MCTP1: variants seen among roughly 807,000 people sequenced by gnomAD.
MCTP1 encodes multiple C2 and transmembrane domain-containing protein 1.
MCTP1 carries 69 observed loss-of-function variants against 120.6 expected under a neutral mutation model. That is an observed-to-expected ratio of 0.57 (90% CI 0.47 to 0.70). The LOEUF (loss-of-function observed/expected upper bound fraction) is 0.70. MCTP1 is among the 30% of genes least tolerant of loss of function. The pLI, the probability that MCTP1 is intolerant of heterozygous loss-of-function variation, is 0.00. For missense variants in MCTP1, 1,203 were observed against 1,248.8 expected (o/e 0.96, Z 0.55); for synonymous variants, 529 against 493.1 (o/e 1.07, Z -0.96).
intron 17 of MCTP1, among the ~76,000 whole-genome samples, chr5:94,816,615 T>C (rs1339106977): frequency 6.6e-6 from 1 of 152,096 alleles, no homozygotes; most frequent in Non-Finnish European, 1.5e-5. Context: ...TTTTCCCCTT[T>C]ATCAACTTCA....
At chr5:94,850,637 T>A (rs965998150) in intron 17 of MCTP1, among the ~76,000 whole-genome samples, 2 of 152,148 alleles carry the variant, frequency 1.3e-5, no homozygotes, top group Non-Finnish European at 2.9e-5. Flanking sequence ...AAAACTACAA[T>A]CTAGTTTCAG....
chr5:95,237,989 C>T (rs1307686760), intron 1 of MCTP1, among the ~76,000 whole-genome samples: 1 of 152,074 alleles, frequency 6.6e-6, no homozygotes, highest in East Asian at 1.9e-4. Flanking sequence ...TCTGAATATT[C>T]ACATTGATAT....
chr5:95,166,255 A>C (rs1472163996), intron 1 of MCTP1: 1 of 152,124 alleles, frequency 6.6e-6, no homozygotes, highest in Non-Finnish European at 1.5e-5. Flanking sequence ...ATACCACTCA[A>C]AGGAATTTCT....
At chr5:95,087,885 C>T (rs913209572) in intron 1 of MCTP1, among the ~76,000 whole-genome samples, 1 of 152,122 alleles carries the variant, frequency 6.6e-6, no homozygotes, top group African/African-American at 2.4e-5. Context: ...GGAGACCTTG[C>T]TTAAAACTTG....
At chr5:95,126,960 T>A (rs537979930) in intron 1 of MCTP1, among the ~76,000 whole-genome samples, 6 of 152,298 alleles carry the variant, frequency 3.9e-5, no homozygotes, top group Non-Finnish European at 7.3e-5. Context: ...TATGTCCGAT[T>A]TTTCTTTAAC....
chr5:95,236,485 A>G (rs1562264968), intron 1 of MCTP1, among the ~76,000 whole-genome samples: 1 of 152,088 alleles, frequency 6.6e-6, no homozygotes, highest in Non-Finnish European at 1.5e-5. Flanking sequence ...ATCTTCCTTT[A>G]TGTCTTCTCC....
chr5:95,227,675 T>C (rs189354814), intron 1 of MCTP1, among the ~76,000 whole-genome samples: 1 of 152,342 alleles, frequency 6.6e-6, no homozygotes, highest in East Asian at 1.9e-4. Context: ...ACAGGCTGTG[T>C]CTACATAGCT....
chr5:94,796,723 G>A (rs1037346138), intron 18 of MCTP1, among the ~76,000 whole-genome samples: 12 of 150,270 alleles, frequency 8.0e-5, no homozygotes, highest in Non-Finnish European at 1.8e-4. Context: ...AGGAGCAACC[G>A]GTTCAAATGC....
intron 1 of MCTP1, among the ~76,000 whole-genome samples, chr5:95,211,816 T>G (rs1752412952): frequency 6.6e-6 from 1 of 152,204 alleles, no homozygotes; most frequent in Non-Finnish European, 1.5e-5. Flanking sequence ...TTATCTACTT[T>G]TGGTCTTTGA....
At chr5:94,907,088 T>G (rs1807107991) in intron 10 of MCTP1, among the ~76,000 whole-genome samples, 2 of 152,162 alleles carry the variant, frequency 1.3e-5, no homozygotes, top group African/African-American at 4.8e-5. Context: ...CATGCAAGCT[T>G]CAAATAAATA....
chr5:94,975,349 C>T (rs1265662000), intron 2 of MCTP1, among the ~76,000 whole-genome samples: 2 of 151,908 alleles, frequency 1.3e-5, no homozygotes, highest in African/African-American at 2.4e-5. Context: ...ATGGTGCCCT[C>T]CTGATGGGAT....
At chr5:95,053,465 T>C (rs553071355) in intron 1 of MCTP1, among the ~76,000 whole-genome samples, 36 of 152,168 alleles carry the variant, frequency 2.4e-4, no homozygotes, top group Non-Finnish European at 5.0e-4. Context: ...TTGCTGCTAC[T>C]TCAAGCTTAA....
intron 1 of MCTP1, chr5:95,024,249 T>G (rs922311400): frequency 1.2e-5 from 3 of 248,964 alleles, no homozygotes; most frequent in Non-Finnish European, 2.5e-5. Context: ...GCTTAAGTCT[T>G]TAATCCATTT....
At chr5:94,717,051 T>C (rs1238082221) in intron 19 of MCTP1, among the ~76,000 whole-genome samples, 2 of 152,180 alleles carry the variant, frequency 1.3e-5, no homozygotes, top group South Asian at 2.1e-4. Flanking sequence ...GGGAAAGTTA[T>C]GTTAAATCCT....
intron 1 of MCTP1, among the ~76,000 whole-genome samples, chr5:95,104,699 A>G (rs960680864): frequency 6.6e-6 from 1 of 152,244 alleles, no homozygotes; most frequent in African/African-American, 2.4e-5. Context: ...CTGCAATACC[A>G]AAGTCTACTG....
chr5:94,791,660 A>G (rs1475437945), intron 18 of MCTP1, among the ~76,000 whole-genome samples: 1 of 152,256 alleles, frequency 6.6e-6, no homozygotes, highest in Non-Finnish European at 1.5e-5. Flanking sequence ...TTTATAAAAA[A>G]CAAAATATGT....
chr5:95,045,617 A>G (rs766693114), intron 1 of MCTP1, among the ~76,000 whole-genome samples: 5 of 152,196 alleles, frequency 3.3e-5, no homozygotes, highest in Non-Finnish European at 5.9e-5. Flanking sequence ...ATGTCAGTCA[A>G]TATAATCAGT....
At chr5:94,836,969 A>G (rs1221599034) in intron 17 of MCTP1, among the ~76,000 whole-genome samples, 4 of 152,188 alleles carry the variant, frequency 2.6e-5, no homozygotes, top group Admixed American at 2.6e-4. Flanking sequence ...CCCTAAAAGC[A>G]AATCTTGTTG....
chr5:95,270,549 G>A (rs1336398906), intron 1 of MCTP1, among the ~76,000 whole-genome samples: 1 of 147,886 alleles, frequency 6.8e-6, no homozygotes, highest in African/African-American at 2.5e-5. Context: ...GAGGCGAGAT[G>A]GCACAACTGA....
Sources: allele counts gnomAD v4.1 joint callset (sites outside exome capture counted in the v4.1 genomes callset), GRCh38; gene constraint gnomAD v4.1.1; transcripts MANE v1.5; gene names NCBI Gene and HGNC (gene_info 2026-07-23, HGNC 2026-07-21).